Variants in MRPL22 observed in about 807,000 individuals in gnomAD.
MRPL22 encodes large ribosomal subunit protein uL22m.
A neutral mutation model predicts 32.4 loss-of-function variants in MRPL22; 27 were observed. That is an observed-to-expected ratio of 0.83 (90% CI 0.61 to 1.15). The LOEUF is 1.15. MRPL22 is among the 50% of genes most tolerant of loss of function. The pLI is 0.00. For missense variants in MRPL22, 239 were observed against 260.2 expected (o/e 0.92, Z 0.56); for synonymous variants, 86 against 87.3 (o/e 0.99, Z 0.08).
At position 154,968,815 on chromosome 5, in the gene MRPL22, G is replaced by A. The variant is rs1001034324; in HGVS notation, c.*1918G>A. The A allele has an allele frequency of 2.6e-5, 4 of 152,102 alleles. No homozygotes were observed. Among genetic ancestry groups the A allele is most frequent in the African/African-American group, 9.7e-5 (4 of 41,394 alleles). 9.4% of individuals were successfully genotyped at this position (152,102 alleles called of 1,614,324 possible). A position where few individuals can be genotyped will look rare whatever the true frequency, so the allele number is the denominator to read the frequency against. ...AGGCTGTAAAAGCTATTTTGAAAGTGGTAAGGAAAAAGTAGGATTGTAATG... is the reference window on the plus strand; with the variant it reads ...AGGCTGTAAAAGCTATTTTGAAAGTAGTAAGGAAAAAGTAGGATTGTAATG... On this transcript the variant is annotated 3_prime_UTR_variant, in exon 7 of 7. Coordinates refer to ENST00000523037, the MANE Select transcript of MRPL22 (RefSeq NM_014180.4).
chr5:154,946,962 G>A (rs1054354748), intron 2 of MRPL22, among the ~76,000 whole-genome samples: 4 of 152,064 alleles, frequency 2.6e-5, no homozygotes, highest in African/African-American at 9.7e-5. Flanking sequence ...TTGGCCAAAG[G>A]GCCTAATTTA....
intron 6 of MRPL22, among the ~76,000 whole-genome samples, chr5:154,961,699 T>C (rs914418333): frequency 1.3e-5 from 2 of 152,088 alleles, no homozygotes; most frequent in African/African-American, 2.4e-5. Flanking sequence ...TCTTTTTTTA[T>C]TTTTGGAGAT....
At chr5:154,956,110 T>C (rs973208931) in intron 3 of MRPL22, 78 of 345,178 alleles carry the variant, frequency 2.3e-4, no homozygotes, top group African/African-American at 1.6e-3. Flanking sequence ...TGGATAGAAA[T>C]GTTGCAAGTG....
intron 6 of MRPL22, among the ~76,000 whole-genome samples, chr5:154,965,200 A>G (rs533696234): frequency 5.8e-4 from 89 of 152,332 alleles, no homozygotes; most frequent in Non-Finnish European, 1.1e-3. Context: ...TGTCAAGTGC[A>G]TACTTTGGTA....
At chr5:154,956,755 GT>G (rs558966497) in intron 4 of MRPL22, 4 of 334,934 alleles carry the variant, frequency 1.2e-5, no homozygotes, top group African/African-American at 2.2e-5. Flanking sequence ...TTGCTTTTAA[GT>G]TTTTTTCCCT....
intron 6 of MRPL22, among the ~76,000 whole-genome samples, chr5:154,961,011 A>G (rs1349626470): frequency 1.3e-5 from 2 of 152,224 alleles, no homozygotes; most frequent in African/African-American, 4.8e-5. Context: ...AGGGGGAATT[A>G]GTTGTATTTT....
intron 5 of MRPL22, 21 bp downstream of exon 5, chr5:154,957,233 G>C: frequency 6.3e-7 from 1 of 1,594,316 alleles, no homozygotes; most frequent in Non-Finnish European, 8.6e-7. Context: ...AAGTTTGGGT[G>C]TGGTAGGGAA....
At chr5:154,943,760 G>C (rs1359847225) in intron 2 of MRPL22, among the ~76,000 whole-genome samples, 1 of 151,360 alleles carries the variant, frequency 6.6e-6, no homozygotes, top group South Asian at 2.1e-4. Context: ...CTGCAGCCTC[G>C]ATTCAAGCCA....
chr5:154,966,005 G>A (rs568133713), intron 6 of MRPL22, among the ~76,000 whole-genome samples: 3 of 152,098 alleles, frequency 2.0e-5, no homozygotes, highest in Non-Finnish European at 4.4e-5. Context: ...ACCAGCATTT[G>A]GGAGCCATTG....
Position 154,941,125 on chromosome 5 carries a change from A to G in MRPL22, c.15A>G (p.Val5=), listed in dbSNP as rs375476946. ...GAGGGCGAAAGATGGCGGCGGCAGTACTGGGACAGTTGGGTAAGGATTTCT... is the reference window on the plus strand; with the variant it reads ...GAGGGCGAAAGATGGCGGCGGCAGTGCTGGGACAGTTGGGTAAGGATTTCT... MAAA[V]LGQLGALWIH... is the part of the protein sequence containing the mutation. Residue 5 remains valine, a synonymous_variant, in exon 1 of 7, where the codon GTA becomes GTG. Transcript: ENST00000523037. 4 of 1,613,900 alleles carry G rather than the reference A, an allele frequency of 2.5e-6. No homozygotes were observed. Among genetic ancestry groups the G allele is most frequent in the Non-Finnish European group, 3.4e-6 (4 of 1,180,050 alleles).
At chr5:154,958,279 C>G (rs1201565406) in intron 5 of MRPL22, among the ~76,000 whole-genome samples, 1 of 152,014 alleles carries the variant, frequency 6.6e-6, no homozygotes, top group Admixed American at 6.6e-5. Context: ...CCGTTACCAT[C>G]TGGGGCTATC....
chr5:154,955,776 G>C (rs1282367567), intron 3 of MRPL22: 1 of 152,578 alleles, frequency 6.6e-6, no homozygotes, highest in Non-Finnish European at 1.5e-5. Flanking sequence ...ATGGTTTCTT[G>C]AAATAGGTTA....
intron 6 of MRPL22, among the ~76,000 whole-genome samples, chr5:154,966,223 A>G (rs916014162): frequency 2.6e-4 from 39 of 152,110 alleles, no homozygotes; most frequent in African/African-American, 9.4e-4. Flanking sequence ...GGGCCTTTGC[A>G]CTTGCTGTTT....
chr5:154,965,999 G>T (rs775673997), intron 6 of MRPL22, among the ~76,000 whole-genome samples: 3 of 152,140 alleles, frequency 2.0e-5, no homozygotes, highest in Non-Finnish European at 4.4e-5. Context: ...CAGAGAACCA[G>T]CATTTGGGAG....
At chr5:154,959,836 T>G (rs1200386758) in intron 5 of MRPL22, 144 bp from the exon 6 acceptor site, 1 of 616,886 alleles carries the variant, frequency 1.6e-6, no homozygotes, top group African/African-American at 1.8e-5. Context: ...CTTTGTACTC[T>G]TATCATTTGA....
At chr5:154,961,724 T>C (rs1764704872) in intron 6 of MRPL22, among the ~76,000 whole-genome samples, 1 of 152,118 alleles carries the variant, frequency 6.6e-6, no homozygotes, top group South Asian at 2.1e-4. Flanking sequence ...ACTTGCTCTG[T>C]CACTCAGGCT....
intron 5 of MRPL22, among the ~76,000 whole-genome samples, chr5:154,958,337 A>T (rs755998422): frequency 1.3e-5 from 2 of 152,082 alleles, no homozygotes; most frequent in Non-Finnish European, 2.9e-5. Flanking sequence ...AAGTCAGTTC[A>T]TACCTTTCAG....
chr5:154,943,071 G>A (rs1561736949), intron 2 of MRPL22, among the ~76,000 whole-genome samples: 1 of 152,078 alleles, frequency 6.6e-6, no homozygotes, highest in Non-Finnish European at 1.5e-5. Context: ...AAGTAGAAAG[G>A]TATAAATAAT....
chr5:154,949,116 G>T lies in MRPL22; in HGVS notation c.78-1705G>T, dbSNP rs2113534392. 1.3e-5 allele frequency among the ~76,000 whole-genome samples: 2 copies of T among 152,182 alleles called. 1 individual carries two copies. Among genetic ancestry groups the T allele is most frequent in the South Asian group, 4.1e-4 (2 of 4,826 alleles). On this transcript the variant is annotated intron_variant, in intron 2 of 6. Transcript: ENST00000523037. ...CTCATTTTGTATGTTATCTGCTTGA[G>T]ATCTGCAATCAGCCATTTCTCTCAG...
Sources: gnomAD v4.1 joint callset for allele counts (sites outside exome capture counted in the v4.1 genomes callset) on GRCh38, gnomAD v4.1.1 for gene constraint, MANE v1.5 for transcripts, NCBI Gene and HGNC (gene_info 2026-07-23, HGNC 2026-07-21) for gene names.